Variants in AVEN observed in about 807,000 individuals in gnomAD.
The protein encoded by AVEN is cell death regulator Aven.
Under a neutral mutation model 38.1 loss-of-function variants are expected in AVEN, and 41 were observed. The observed-to-expected ratio is 1.08, with a 90% CI of 0.84 to 1.40. AVEN has a LOEUF of 1.40. Ranked by LOEUF, AVEN falls within the 40% of genes most tolerant of loss-of-function variation. AVEN has a pLI of 0.00. For synonymous variants in AVEN, 206 were observed against 171.8 expected (o/e 1.20, Z -1.56); for missense variants, 605 against 438.8 (o/e 1.38, Z -3.38).
chr15:33,865,262 C>A, downstream of AVEN: 1 of 1,465,868 alleles, frequency 6.8e-7, no homozygotes, highest in Non-Finnish European at 9.5e-7. Flanking sequence ...TCTGGACAGT[C>A]AACTTCCCAT....
intron 2 of AVEN, among the ~76,000 whole-genome samples, chr15:33,896,655 A>C (rs529146724): frequency 1.3e-5 from 2 of 152,190 alleles, no homozygotes; most frequent in Non-Finnish European, 2.9e-5. Context: ...ATTTTTAACA[A>C]TCAACTCTGA....
rs77164036 is a variant in AVEN at position 33,951,561 on chromosome 15, TAAA to T, written c.445+51468_445+51470del. 9.0e-3 allele frequency among the ~76,000 whole-genome samples: 846 copies of T among 94,202 alleles called. 4 individuals carry two copies. Among genetic ancestry groups the T allele is most frequent in the African/African-American group, 0.03 (809 of 27,328 alleles). The allele number at this position is 94,202 out of a possible 152,430, so 61.8% of individuals were successfully genotyped here. A position where few individuals can be genotyped will look rare whatever the true frequency, so the allele number is the denominator to read the frequency against. On this transcript the variant is annotated intron_variant, in intron 2 of 5. Coordinates refer to ENST00000306730, the MANE Select transcript of AVEN (RefSeq NM_020371.3). Reference sequence around the variant, plus strand: ...ATGTACCCTAGAACTTAAAGTATAATAAAAAAAAAAAAAAGATGCAATTTGCCA... The same window carrying T: ...ATGTACCCTAGAACTTAAAGTATAATAAAAAAAAAAAGATGCAATTTGCCA...
At position 33,875,965 on chromosome 15, in the gene AVEN, T is replaced by A. The variant is rs1555503387; in HGVS notation, c.476A>T (p.Glu159Val). ...GDSFSQFRFA[E>V]EKEWDSEASC... ...AGCTTCACTATCCCATTCTTTCTCC[T>A]CAGCAAACCGGAACTGTGAGAATGA... Residue 159 changes from glutamate (E) to valine (V), a missense_variant, in exon 3 of 6, where the codon GAG becomes GTG. Glu to Val is a moderately radical substitution (Grantham distance 121, BLOSUM62 -2). Coordinates refer to ENST00000306730, the MANE Select transcript of AVEN (RefSeq NM_020371.3). 3 of 1,612,854 alleles carry A rather than the reference T, an allele frequency of 1.9e-6. No homozygotes were observed. The South Asian group carries it at 3.3e-5, about 18-fold the overall frequency.
chr15:34,034,446 TAA>T (rs34205777), intron 1 of AVEN, among the ~76,000 whole-genome samples: 67 of 143,760 alleles, frequency 4.7e-4, no homozygotes, highest in African/African-American at 1.5e-3. Flanking sequence ...GTTTCTTTTT[TAA>T]AAAAAAAAAA....
At position 34,003,130 on chromosome 15, in the gene AVEN, G is replaced by C. The variant is rs1314480255; in HGVS notation, c.347C>G (p.Ser116Cys). The C allele has an allele frequency of 6.8e-6, 11 of 1,613,644 alleles. No individual in the cohort carries two copies. The highest frequency in any genetic ancestry group is 2.5e-6 in the Non-Finnish European group (3 of 1,179,838). Residue 116 changes from serine (S) to cysteine (C), a missense_variant, in exon 2 of 6, where the codon TCT becomes TGT. Ser to Cys is a moderately radical substitution (Grantham distance 112, BLOSUM62 -1). Transcript: ENST00000306730. ...QGNYSKRKIV[S>C]NWDRYQDIEK... ...AATATCTTGATATCGATCCCAGTTA[G>C]AGACAATCTTTCTTTTAGAATAATT...
At chr15:33,986,908 C>T (rs898869792) in intron 2 of AVEN, among the ~76,000 whole-genome samples, 5 of 152,152 alleles carry the variant, frequency 3.3e-5, no homozygotes, top group African/African-American at 4.8e-5. Context: ...CCGCCCACCT[C>T]GGCCTCCCAA....
chr15:34,038,258 G>A (rs1340369032), intron 1 of AVEN, among the ~76,000 whole-genome samples: 8 of 152,162 alleles, frequency 5.3e-5, no homozygotes, highest in African/African-American at 1.9e-4. Flanking sequence ...CAGTCGTAGG[G>A]GTCATTCTTT....
At chr15:33,920,728 A>C (rs909475981) in intron 2 of AVEN, among the ~76,000 whole-genome samples, 3 of 152,218 alleles carry the variant, frequency 2.0e-5, no homozygotes, top group Non-Finnish European at 4.4e-5. Flanking sequence ...TGGCAAGTAC[A>C]TAAAAGACAC....
chr15:33,937,284 C>T (rs1894111355), intron 2 of AVEN, among the ~76,000 whole-genome samples: 1 of 151,860 alleles, frequency 6.6e-6, no homozygotes, highest in South Asian at 2.1e-4. Context: ...CCTGTAATCC[C>T]AGCACTTTGG....
At chr15:34,002,948 T>G (rs973188747) in intron 2 of AVEN, 84 bp downstream of exon 2, 2 of 1,251,084 alleles carry the variant, frequency 1.6e-6, no homozygotes, top group Non-Finnish European at 2.2e-6. Context: ...TTGCTAGTTA[T>G]AAAAGTAGAA....
At chr15:33,981,769 C>T (rs1173587510) in intron 2 of AVEN, among the ~76,000 whole-genome samples, 2 of 152,154 alleles carry the variant, frequency 1.3e-5, no homozygotes, top group African/African-American at 4.8e-5. Flanking sequence ...CACTGAAGGG[C>T]TATTTTGAAT....
chr15:34,063,326 C>T lies in AVEN; in HGVS notation n.1233G>A, dbSNP rs935517669. 1.9e-6 allele frequency: 3 copies of T among 1,614,068 alleles called. No individual in the cohort carries two copies. In the African/African-American group the frequency reaches 4.0e-5, roughly 22 times the overall value. ...TTGGCACTGCCATTGCTGCCTTCTA[C>T]ATCCCTGTTTCTGTCATGACCATCC... On this transcript the variant is annotated non_coding_transcript_exon_variant, in exon 5 of 12. Transcript: ENST00000675287. The surrounding 1 kb of genome is among the most constrained non-coding windows in gnomAD (Gnocchi z 4.1).
chr15:33,993,389 G>A (rs1381811144), intron 2 of AVEN, among the ~76,000 whole-genome samples: 1 of 152,018 alleles, frequency 6.6e-6, no homozygotes, highest in African/African-American at 2.4e-5. Flanking sequence ...TTGAACAACC[G>A]TCCCCTTTCC....
downstream of AVEN, chr15:33,864,609 TGAAAG>T (rs1291856957): frequency 5.7e-6 from 1 of 174,036 alleles, no homozygotes; most frequent in East Asian, 1.5e-4. Context: ...AGAGGATGAG[TGAAAG>T]GATGTGTCAA....
intron 1 of AVEN, among the ~76,000 whole-genome samples, chr15:34,072,806 A>C (rs1900654741): frequency 7.1e-6 from 1 of 141,494 alleles, no homozygotes; most frequent in Non-Finnish European, 1.5e-5. Flanking sequence ...ACACCACCAC[A>C]CTCAGCTAAT....
intron 2 of AVEN, among the ~76,000 whole-genome samples, chr15:33,996,600 T>C (rs1896947942): frequency 6.6e-6 from 1 of 152,166 alleles, no homozygotes; most frequent in Non-Finnish European, 1.5e-5. Flanking sequence ...CCAACAGACC[T>C]GCAGCTGAGG....
intron 2 of AVEN, among the ~76,000 whole-genome samples, chr15:33,908,997 T>C (rs990402496): frequency 8.5e-5 from 13 of 152,160 alleles, no homozygotes; most frequent in Non-Finnish European, 1.9e-4. Context: ...TGCACTGAAG[T>C]GTTTCTGTAC....
At chr15:33,977,700 A>G (rs1307817811) in intron 2 of AVEN, among the ~76,000 whole-genome samples, 1 of 152,172 alleles carries the variant, frequency 6.6e-6, no homozygotes, top group Non-Finnish European at 1.5e-5. Flanking sequence ...AACGTTCTCT[A>G]TTACACTCTA....
chr15:33,972,024 C>T (rs761365054), intron 2 of AVEN: 1 of 151,988 alleles, frequency 6.6e-6, no homozygotes, highest in Non-Finnish European at 1.5e-5. Flanking sequence ...AGTCATATCA[C>T]CAAGACACTA....
Sources: gnomAD v4.1 joint callset for allele counts (sites outside exome capture counted in the v4.1 genomes callset) on GRCh38, gnomAD v4.1.1 for gene constraint, Gnocchi (gnomAD v3.1) non-coding constraint, MANE v1.5 for transcripts, NCBI Gene and HGNC (gene_info 2026-07-23, HGNC 2026-07-21) for gene names.